The following PPP2R3A variants were observed in gnomAD, a reference collection of about 807,000 sequenced individuals.
PPP2R3A encodes serine/threonine-protein phosphatase 2A regulatory subunit B'' subunit alpha.
Under a neutral mutation model 106.9 loss-of-function variants are expected in PPP2R3A, and 80 were observed. The observed-to-expected ratio is 0.75, with a 90% CI of 0.62 to 0.90. PPP2R3A has a LOEUF of 0.90. PPP2R3A is among the 40% of genes least tolerant of loss of function. PPP2R3A has a pLI of 0.00. For missense variants in PPP2R3A, 1,386 were observed against 1,350.4 expected (o/e 1.03, Z -0.41); for synonymous variants, 483 against 468.3 (o/e 1.03, Z -0.41).
intron 13 of PPP2R3A, among the ~76,000 whole-genome samples, chr3:136,137,231 A>G (rs1283163127): frequency 1.3e-5 from 2 of 152,176 alleles, no homozygotes; most frequent in African/African-American, 4.8e-5. Context: ...CAATAATCAG[A>G]AACAAGCTTT....
Position 136,013,172 on chromosome 3 carries a change from GTGTGTGTGTGTATGTA to G in PPP2R3A, c.1995+9683_1995+9698del, listed in dbSNP as rs1263467547. Among the ~76,000 whole-genome samples, 16 of 120,396 alleles carry G rather than the reference GTGTGTGTGTGTATGTA, an allele frequency of 1.3e-4. 1 individual carries two copies. In the South Asian group the frequency reaches 3.9e-3, roughly 29 times the overall value. The allele number at this position is 120,396 out of a possible 152,430, so 79.0% of individuals were successfully genotyped here. A position where few individuals can be genotyped will look rare whatever the true frequency, so the allele number is the denominator to read the frequency against. On this transcript the variant is annotated intron_variant, in intron 2 of 13. Transcript: ENST00000264977. ...AGTATTCCATGGTGTGTGTGTGTGT[GTGTGTGTGTGTATGTA>G]TGTATGTATGTATGTATGTATGTAT...
chr3:136,043,288 T>C (rs536948322), intron 4 of PPP2R3A, among the ~76,000 whole-genome samples: 1 of 152,016 alleles, frequency 6.6e-6, no homozygotes, highest in Non-Finnish European at 1.5e-5. Flanking sequence ...TGAAACCCCA[T>C]CTCTACTAAA....
At chr3:136,027,151 C>T in intron 3 of PPP2R3A, 53 bp downstream of exon 3, 5 of 1,492,724 alleles carry the variant, frequency 3.3e-6, no homozygotes, top group Non-Finnish European at 4.5e-6. Flanking sequence ...AAACCCTGAT[C>T]CCCTCCCCTT....
chr3:136,047,260 T>C (rs1300702074), intron 4 of PPP2R3A, among the ~76,000 whole-genome samples: 5 of 152,096 alleles, frequency 3.3e-5, no homozygotes, highest in Non-Finnish European at 7.4e-5. Flanking sequence ...AAGAACAGAG[T>C]TTACATTTCA....
chr3:136,144,003 G>A lies in PPP2R3A; in HGVS notation c.3330-1040G>A, dbSNP rs75216765. 3.5e-3 allele frequency among the ~76,000 whole-genome samples: 536 copies of A among 152,330 alleles called. 5 individuals carry two copies. The highest frequency in any genetic ancestry group is 0.012 in the African/African-American group (492 of 41,574). ...AAATACTATAATAGACATTGCTGAT[G>A]TACATTTTTCTGATGTACATATCTA... is the stretch of plus-strand genomic sequence containing the variant. On this transcript the variant is annotated intron_variant, in intron 13 of 13. Coordinates refer to ENST00000264977, the MANE Select transcript of PPP2R3A (RefSeq NM_002718.5).
intron 1 of PPP2R3A, among the ~76,000 whole-genome samples, chr3:135,973,968 C>G (rs191618144): frequency 6.6e-6 from 1 of 152,286 alleles, no homozygotes; most frequent in East Asian, 1.9e-4. Flanking sequence ...CAGGCCCCTT[C>G]CCCCACTGAA....
intron 2 of PPP2R3A, chr3:136,023,201 G>T (rs771278580): frequency 1.4e-5 from 22 of 1,556,406 alleles, no homozygotes; most frequent in Non-Finnish European, 1.3e-5. Context: ...AGCAGACACA[G>T]GTTTGAAATT....
chr3:136,092,356 TAAATG>T (rs1254617359), intron 10 of PPP2R3A, among the ~76,000 whole-genome samples: 3 of 152,220 alleles, frequency 2.0e-5, no homozygotes, highest in African/African-American at 7.2e-5. Flanking sequence ...ATTAAAGATC[TAAATG>T]AAATGAAGAC....
At chr3:136,010,258 CTT>C (rs35997478) in intron 2 of PPP2R3A, among the ~76,000 whole-genome samples, 39 of 121,266 alleles carry the variant, frequency 3.2e-4, no homozygotes, top group African/African-American at 6.9e-4. Flanking sequence ...TTCTTTCTTT[CTT>C]TTTTTTTTTT....
chr3:136,040,185 G>A (rs1340480430), intron 3 of PPP2R3A, among the ~76,000 whole-genome samples: 1 of 152,166 alleles, frequency 6.6e-6, no homozygotes, highest in Non-Finnish European at 1.5e-5. Context: ...ATGAATGAAG[G>A]ACATATATTA....
chr3:136,001,372 A>G lies in PPP2R3A; in HGVS notation c.-127A>G. 1.2e-6 allele frequency: 1 copy of G among 830,908 alleles called. No individual in the cohort carries two copies. The highest frequency in any genetic ancestry group is 1.9e-6 in the Non-Finnish European group (1 of 533,002). The allele number at this position is 830,908 out of a possible 1,614,324, so 51.5% of individuals were successfully genotyped here. A position where few individuals can be genotyped will look rare whatever the true frequency, so the allele number is the denominator to read the frequency against. On this transcript the variant is annotated 5_prime_UTR_variant, in exon 2 of 14. Transcript: ENST00000264977. ...ATGGTTTCCCTTCATGGGAAAAGCC[A>G]TTATATTTGGAAGAAACCACTGAAC... is the stretch of plus-strand genomic sequence containing the variant.
chr3:136,083,809 T>C (rs1936853133), intron 8 of PPP2R3A, among the ~76,000 whole-genome samples: 1 of 152,172 alleles, frequency 6.6e-6, no homozygotes, highest in African/African-American at 2.4e-5. Context: ...GAGGAACTTG[T>C]TGGGAACTGG....
chr3:136,083,772 C>T (rs962981186), intron 8 of PPP2R3A, among the ~76,000 whole-genome samples: 9 of 152,150 alleles, frequency 5.9e-5, no homozygotes, highest in African/African-American at 1.9e-4. Flanking sequence ...CAATAAAATC[C>T]AGGCTGAAGT....
chr3:136,055,758 G>A, intron 5 of PPP2R3A: 1 of 646,704 alleles, frequency 1.5e-6, no homozygotes, highest in East Asian at 2.5e-5. Flanking sequence ...GGAATGTGGT[G>A]ATGAGAATTT....
chr3:136,094,765 C>T (rs1047694474), intron 10 of PPP2R3A, among the ~76,000 whole-genome samples: 2 of 152,064 alleles, frequency 1.3e-5, no homozygotes, highest in Non-Finnish European at 2.9e-5. Context: ...AATCTCCCAG[C>T]CCTGATAATT....
chr3:136,034,354 G>GT (rs1206994792), intron 3 of PPP2R3A, among the ~76,000 whole-genome samples: 1 of 152,140 alleles, frequency 6.6e-6, no homozygotes, highest in Non-Finnish European at 1.5e-5. Flanking sequence ...TGATGTAGGC[G>GT]TTTAGGGCTA....
chr3:136,109,107 T>C (rs745523222), intron 13 of PPP2R3A, among the ~76,000 whole-genome samples: 2 of 152,088 alleles, frequency 1.3e-5, no homozygotes, highest in Admixed American at 6.6e-5. Flanking sequence ...CAGAACATAA[T>C]ATTCCATAAG....
intron 13 of PPP2R3A, among the ~76,000 whole-genome samples, chr3:136,128,824 GACC>G (rs1434620428): frequency 1.3e-5 from 2 of 152,138 alleles, no homozygotes; most frequent in Admixed American, 6.5e-5. Context: ...CTGTCTCTCA[GACC>G]ACAGTGCAAT....
At chr3:136,077,984 CAGT>C (rs1456405219) in intron 6 of PPP2R3A, among the ~76,000 whole-genome samples, 4 of 152,126 alleles carry the variant, frequency 2.6e-5, no homozygotes, top group Non-Finnish European at 5.9e-5. Context: ...CCCTTCTGAC[CAGT>C]TAATCAATCA....
Sources: allele counts gnomAD v4.1 joint callset (sites outside exome capture counted in the v4.1 genomes callset), GRCh38; gene constraint gnomAD v4.1.1; transcripts MANE v1.5; gene names NCBI Gene and HGNC (gene_info 2026-07-23, HGNC 2026-07-21).